The following SLC7A2 variants were observed in gnomAD, a reference collection of about 807,000 sequenced individuals.
The protein encoded by SLC7A2 is cationic amino acid transporter 2.
SLC7A2 carries 48 observed loss-of-function variants against 58.9 expected under a neutral mutation model. That is an observed-to-expected ratio of 0.82 (90% confidence interval 0.65 to 1.04). SLC7A2 has a LOEUF of 1.04. Among genes scored for constraint, SLC7A2 ranks in the 50% least tolerant of loss-of-function variants. The probability of loss-of-function intolerance (pLI) is 0.00; values close to 1 mark genes in which losing one functional copy is unlikely to be tolerated. For missense variants in SLC7A2, 1,029 were observed against 818.8 expected (o/e 1.26, Z -3.13); for synonymous variants, 363 against 314.5 (o/e 1.15, Z -1.63).
intron 2 of SLC7A2, among the ~76,000 whole-genome samples, chr8:17,531,066 A>G (rs1801430854): frequency 6.6e-6 from 1 of 152,224 alleles, no homozygotes; most frequent in Admixed American, 6.5e-5. Flanking sequence ...CTCTTCTGTC[A>G]TTGAAAGTCA....
chr8:17,557,991 A>G (rs1802788958), intron 8 of SLC7A2, among the ~76,000 whole-genome samples: 1 of 152,160 alleles, frequency 6.6e-6, no homozygotes, highest in Non-Finnish European at 1.5e-5. Context: ...CTGAAATATC[A>G]ATGACAGTGT....
chr8:17,506,474 C>G (rs1800367889), intron 2 of SLC7A2, among the ~76,000 whole-genome samples: 1 of 152,200 alleles, frequency 6.6e-6, no homozygotes, highest in Non-Finnish European at 1.5e-5. Context: ...TGCGAAATTT[C>G]AGAGGCTTTG....
At chr8:17,564,819 C>A (rs982476822) in intron 12 of SLC7A2, 131 bp from the exon 13 acceptor site, 19 of 732,200 alleles carry the variant, frequency 2.6e-5, no homozygotes, top group East Asian at 1.4e-4. Flanking sequence ...GGGTTGGTGA[C>A]CCCCGTTCTA....
rs1222637413 is a variant in SLC7A2 at position 17,528,519 on chromosome 8, C to T, written c.-22-14799C>T. ...CCCACTTGAGCCTCCCCACAGGGAG[C>T]TGGCACTACAGGTGCGCATCACCAT... On this transcript the variant is annotated intron_variant, in intron 2 of 12. Transcript: ENST00000494857. Among the ~76,000 whole-genome samples, 4 of 152,136 alleles carry T rather than the reference C, an allele frequency of 2.6e-5. 1 individual carries two copies. The highest frequency in any genetic ancestry group is 5.9e-5 in the Non-Finnish European group (4 of 68,000).
chr8:17,528,981 G>C (rs1256163094), intron 2 of SLC7A2, among the ~76,000 whole-genome samples: 1 of 151,966 alleles, frequency 6.6e-6, no homozygotes, highest in Non-Finnish European at 1.5e-5. Flanking sequence ...GAAGATGAGA[G>C]GGGACCAGTT....
intron 2 of SLC7A2, among the ~76,000 whole-genome samples, chr8:17,504,228 G>A (rs1800279194): frequency 1.3e-5 from 2 of 152,166 alleles, no homozygotes; most frequent in African/African-American, 4.8e-5. Context: ...GTAAGTATTG[G>A]GCACCAGCTG....
chr8:17,529,601 G>A (rs149080835), intron 2 of SLC7A2, among the ~76,000 whole-genome samples: 4 of 151,088 alleles, frequency 2.6e-5, no homozygotes, highest in East Asian at 1.9e-4. Context: ...TGTGATCTTG[G>A]CCCACTGCAA....
At position 17,569,823 on chromosome 8, in the gene SLC7A2, TC is replaced by T. The variant is rs1803431559; in HGVS notation, c.*4680del. 6.6e-6 allele frequency: 1 copy of T among 152,156 alleles called. No homozygotes were observed. Among genetic ancestry groups the T allele is most frequent in the African/African-American group, 2.4e-5 (1 of 41,440 alleles). 9.4% of individuals were successfully genotyped at this position (152,156 alleles called of 1,614,324 possible). ...ATGATCGCTGGGTCTTAAAGAGCTT[TC>T]CCTAGCCACTGACAGCCCCGTGGAG... On this transcript the variant is annotated 3_prime_UTR_variant, in exon 13 of 13. Coordinates refer to ENST00000494857, the MANE Select transcript of SLC7A2 (RefSeq NM_001370338.1).
intron 2 of SLC7A2, among the ~76,000 whole-genome samples, chr8:17,531,369 G>A (rs938573350): frequency 6.6e-6 from 1 of 151,952 alleles, no homozygotes; most frequent in Non-Finnish European, 1.5e-5. Context: ...TTCGTTTTGG[G>A]GTAACAAAAG....
chr8:17,504,247 C>G (rs919628296), intron 2 of SLC7A2, among the ~76,000 whole-genome samples: 12 of 152,170 alleles, frequency 7.9e-5, no homozygotes, highest in Admixed American at 3.3e-4. Flanking sequence ...TGTGTGCCCT[C>G]TGAGAATGTG....
At chr8:17,542,285 GCTAGAGACC>G (rs1331585709) in intron 2 of SLC7A2, among the ~76,000 whole-genome samples, 1 of 152,154 alleles carries the variant, frequency 6.6e-6, no homozygotes, top group Non-Finnish European at 1.5e-5. Flanking sequence ...GTCCTGTAAG[GCTAGAGACC>G]CCATCTATGT....
intron 2 of SLC7A2, among the ~76,000 whole-genome samples, chr8:17,512,392 C>G (rs946653366): frequency 3.3e-5 from 5 of 152,082 alleles, no homozygotes; most frequent in African/African-American, 1.2e-4. Flanking sequence ...GCTAAAAATA[C>G]AAAAATTAGC....
At chr8:17,544,141 A>T (rs1327219034) in intron 3 of SLC7A2, among the ~76,000 whole-genome samples, 2 of 152,166 alleles carry the variant, frequency 1.3e-5, no homozygotes, top group Non-Finnish European at 2.9e-5. Context: ...AAGTGCTGGG[A>T]TTGCAGGTGT....
intron 2 of SLC7A2, among the ~76,000 whole-genome samples, chr8:17,535,527 C>T (rs1318106629): frequency 8.5e-5 from 13 of 152,146 alleles, no homozygotes; most frequent in African/African-American, 2.7e-4. Context: ...TTGGGGCAGC[C>T]TATTTATGGT....
chr8:17,539,374 A>G (rs1007995335), intron 2 of SLC7A2, among the ~76,000 whole-genome samples: 1 of 152,234 alleles, frequency 6.6e-6, no homozygotes, highest in East Asian at 1.9e-4. Context: ...CATTAGGCTC[A>G]TGAAAATCAT....
upstream of SLC7A2, among the ~76,000 whole-genome samples, chr8:17,495,841 C>A (rs1407608727): frequency 6.6e-6 from 1 of 152,020 alleles, no homozygotes. Context: ...TGAGCCACCA[C>A]CCCCAGCCTA....
At chr8:17,515,532 G>A (rs923083635) in intron 2 of SLC7A2, among the ~76,000 whole-genome samples, 1 of 152,096 alleles carries the variant, frequency 6.6e-6, no homozygotes, top group Non-Finnish European at 1.5e-5. Context: ...CTGACCTCGT[G>A]ATCTGCCTGC....
chr8:17,525,212 T>G (rs562958132), intron 2 of SLC7A2, among the ~76,000 whole-genome samples: 63 of 152,148 alleles, frequency 4.1e-4, no homozygotes, highest in Non-Finnish European at 6.5e-4. Flanking sequence ...CTATCTTCAT[T>G]ATGAGTATTC....
Position 17,565,193 on chromosome 8 carries a change from C to A in SLC7A2, c.*47C>A. The A allele has an allele frequency of 6.9e-7, 1 of 1,451,602 alleles. No individual in the cohort carries two copies. The highest frequency in any genetic ancestry group is 9.5e-7 in the Non-Finnish European group (1 of 1,054,204). The allele number at this position is 1,451,602 out of a possible 1,614,324, so 89.9% of individuals were successfully genotyped here. A position where few individuals can be genotyped will look rare whatever the true frequency, so the allele number is the denominator to read the frequency against. ...TCATCGTCTTAGCATACATATCCTA[C>A]ACTGAGTAAACCGTAACGGGATGTC... On this transcript the variant is annotated 3_prime_UTR_variant, in exon 13 of 13. Transcript: ENST00000494857.
Sources: gnomAD v4.1 joint callset for allele counts (sites outside exome capture counted in the v4.1 genomes callset) on GRCh38, gnomAD v4.1.1 for gene constraint, MANE v1.5 for transcripts, NCBI Gene and HGNC (gene_info 2026-07-23, HGNC 2026-07-21) for gene names.